EPB41L4A: variants seen among roughly 807,000 people sequenced by gnomAD.
EPB41L4A encodes erythrocyte membrane protein band 4.1 like 4A.
A neutral mutation model predicts 108.6 loss-of-function variants in EPB41L4A; 100 were observed. The ratio of observed to expected loss-of-function variants is 0.92; its 90% CI spans 0.78 to 1.09. The LOEUF is 1.09. EPB41L4A is among the 50% of genes least tolerant of loss of function. EPB41L4A has a pLI of 0.00. For missense variants in EPB41L4A, 1,030 were observed against 842.7 expected, an observed-to-expected ratio of 1.22 and a Z score of -2.75; for synonymous variants, 319 against 289.0, an observed-to-expected ratio of 1.10 and a Z score of -1.05.
chr5:112,165,647 T>C (rs945764630), intron 22 of EPB41L4A, among the ~76,000 whole-genome samples: 3 of 152,140 alleles, frequency 2.0e-5, no homozygotes, highest in Admixed American at 6.5e-5. Flanking sequence ...TGGTGGAGGC[T>C]CTGAGAATGA....
At chr5:112,320,994 C>T (rs1040568046) in intron 1 of EPB41L4A, among the ~76,000 whole-genome samples, 1 of 152,146 alleles carries the variant, frequency 6.6e-6, no homozygotes, top group South Asian at 2.1e-4. Flanking sequence ...TTCAAGTTTC[C>T]TGAAAGGTTG....
chr5:112,389,390 T>C (rs932862077), intron 1 of EPB41L4A, among the ~76,000 whole-genome samples: 3 of 152,206 alleles, frequency 2.0e-5, no homozygotes, highest in Non-Finnish European at 4.4e-5. Flanking sequence ...GACTCATCCA[T>C]GCTAAAGTTC....
chr5:112,416,562 T>C (rs1398311761), intron 1 of EPB41L4A, among the ~76,000 whole-genome samples: 1 of 152,172 alleles, frequency 6.6e-6, no homozygotes, highest in Non-Finnish European at 1.5e-5. Context: ...CCTGCTTAAT[T>C]TTGACTTTAA....
intron 1 of EPB41L4A, among the ~76,000 whole-genome samples, chr5:112,349,402 G>A (rs1356559852): frequency 1.3e-5 from 2 of 152,072 alleles, no homozygotes; most frequent in African/African-American, 2.4e-5. Context: ...AAGGGAAGGA[G>A]GTGCAAAGAG....
intron 12 of EPB41L4A, among the ~76,000 whole-genome samples, chr5:112,149,536 G>T (rs1448852156): frequency 6.6e-6 from 1 of 152,074 alleles, no homozygotes; most frequent in Non-Finnish European, 1.5e-5. Flanking sequence ...GAATTGTTAC[G>T]TTTATACATA....
At chr5:112,206,124 C>A (rs1762460181) in intron 13 of EPB41L4A, 1 of 152,200 alleles carries the variant, frequency 6.6e-6, no homozygotes, top group Non-Finnish European at 1.5e-5. Flanking sequence ...TTTAGAAACC[C>A]CTGGGGAGAC....
chr5:112,144,699 G>A (rs968778632), intron 13 of EPB41L4A, among the ~76,000 whole-genome samples: 1 of 152,148 alleles, frequency 6.6e-6, no homozygotes, highest in Admixed American at 6.5e-5. Context: ...AAACCTAGAG[G>A]TCATTTATAT....
chr5:112,203,315 C>T (rs2150293682), intron 15 of EPB41L4A, among the ~76,000 whole-genome samples: 1 of 152,118 alleles, frequency 6.6e-6, no homozygotes, highest in South Asian at 2.1e-4. Flanking sequence ...AAGATCATGC[C>T]ACTACACTCC....
intron 1 of EPB41L4A, among the ~76,000 whole-genome samples, chr5:112,311,364 G>C (rs1755037267): frequency 6.6e-6 from 1 of 152,072 alleles, no homozygotes; most frequent in Non-Finnish European, 1.5e-5. Flanking sequence ...TGCATCCTTG[G>C]TGTAAGTACA....
intron 13 of EPB41L4A, among the ~76,000 whole-genome samples, chr5:112,209,046 T>G (rs537962257): frequency 2.6e-5 from 4 of 152,358 alleles, no homozygotes; most frequent in African/African-American, 9.6e-5. Context: ...CTTAAAGTTA[T>G]CTTGCTGAGA....
Position 112,240,804 on chromosome 5 carries a change from C to T in EPB41L4A, c.802G>A (p.Glu268Lys), listed in dbSNP as rs200997940. ...CGAGCTTCAAAAAAGAATGAGGTTT[C>T]GTTACACTAAGAGAGAAAGAGAGAC... The part of the protein sequence containing the change: ...ELRVLGKDCN[E>K]TSFFFEARSK... The change falls in exon 10 of 23, where the codon GAA becomes AAA. Residue 268 changes from glutamate to lysine, a missense_variant. By Grantham distance (56) the Glu-to-Lys change is moderately conservative (BLOSUM62 1). Coordinates refer to ENST00000261486, the MANE Select transcript of EPB41L4A (RefSeq NM_022140.5). 3.3e-4 allele frequency: 520 copies of T among 1,582,604 alleles called. 1 individual carries two copies. Among genetic ancestry groups the T allele is most frequent in the Non-Finnish European group, 9.7e-5 (113 of 1,167,132 alleles).
At chr5:112,226,638 G>A (rs370796619) in intron 12 of EPB41L4A, among the ~76,000 whole-genome samples, 2 of 152,060 alleles carry the variant, frequency 1.3e-5, no homozygotes, top group African/African-American at 2.4e-5. Context: ...TCCCAAGAGG[G>A]CTGGAGAGCA....
chr5:112,415,314 T>C (rs1307407667), intron 1 of EPB41L4A, among the ~76,000 whole-genome samples: 1 of 152,122 alleles, frequency 6.6e-6, no homozygotes, highest in Non-Finnish European at 1.5e-5. Flanking sequence ...GCGAAATGTA[T>C]GGTATACCTT....
intron 17 of EPB41L4A, among the ~76,000 whole-genome samples, chr5:112,190,317 G>T (rs1269458878): frequency 6.6e-6 from 1 of 152,094 alleles, no homozygotes; most frequent in African/African-American, 2.4e-5. Flanking sequence ...TAAGGGGGGG[G>T]TGTTACATAA....
chr5:112,280,172 T>C (rs1752875147), intron 3 of EPB41L4A, 100 bp downstream of exon 3: 3 of 988,734 alleles, frequency 3.0e-6, no homozygotes, highest in Non-Finnish European at 4.9e-6. Flanking sequence ...AGTATTCACT[T>C]CTTTCTCCAG....
downstream of EPB41L4A, among the ~76,000 whole-genome samples, chr5:112,157,770 T>C (rs140806415): frequency 1.2e-4 from 19 of 152,334 alleles, no homozygotes; most frequent in Non-Finnish European, 2.6e-4. Context: ...TAATGCACCA[T>C]ATTCACAGGT....
intron 12 of EPB41L4A, among the ~76,000 whole-genome samples, chr5:112,155,924 G>C (rs775005840): frequency 6.6e-6 from 1 of 151,952 alleles, no homozygotes; most frequent in African/African-American, 2.4e-5. Context: ...TTAATGTTAA[G>C]TAGATATGTA....
chr5:112,188,824 T>C (rs1434781980), intron 17 of EPB41L4A, among the ~76,000 whole-genome samples: 1 of 152,118 alleles, frequency 6.6e-6, no homozygotes, highest in Non-Finnish European at 1.5e-5. Context: ...TTTGCTAACA[T>C]CCCAAATATA....
At chr5:112,399,761 A>C (rs909592002) in intron 1 of EPB41L4A, among the ~76,000 whole-genome samples, 1 of 152,098 alleles carries the variant, frequency 6.6e-6, no homozygotes, top group African/African-American at 2.4e-5. Flanking sequence ...TCACCTACCT[A>C]GTAACACCAA....
Sources: allele counts gnomAD v4.1 joint callset (sites outside exome capture counted in the v4.1 genomes callset), GRCh38; gene constraint gnomAD v4.1.1; transcripts MANE v1.5; gene names NCBI Gene and HGNC (gene_info 2026-07-23, HGNC 2026-07-21).